Variants in OSBPL10 observed in about 807,000 individuals in gnomAD.
OSBPL10 encodes oxysterol-binding protein-related protein 10.
A neutral mutation model predicts 81.7 loss-of-function variants in OSBPL10; 49 were observed. The ratio of observed to expected loss-of-function variants is 0.60; its 90% confidence interval spans 0.48 to 0.76. The LOEUF (loss-of-function observed/expected upper bound fraction) is 0.76, where lower values mean the gene tolerates loss of function less well. OSBPL10 is among the 30% of genes least tolerant of loss of function. The pLI is 0.00. For synonymous variants in OSBPL10, 419 were observed against 383.6 expected, an observed-to-expected ratio of 1.09 and a Z score of -1.08; for missense variants, 923 against 987.8, an observed-to-expected ratio of 0.93 and a Z score of 0.88.
At chr3:31,715,665 A>G (rs1294388847) in intron 6 of OSBPL10, among the ~76,000 whole-genome samples, 1 of 152,252 alleles carries the variant, frequency 6.6e-6, no homozygotes, top group Non-Finnish European at 1.5e-5. Context: ...GGTGGCCAAT[A>G]GTAATAAAAT....
chr3:31,789,079 A>G (rs1374085303), intron 4 of OSBPL10, among the ~76,000 whole-genome samples: 1 of 152,074 alleles, frequency 6.6e-6, no homozygotes, highest in Non-Finnish European at 1.5e-5. Flanking sequence ...CCCAGGTTCA[A>G]GAGATTCTCC....
At chr3:31,986,616 G>A (rs1398837216) in intron 2 of OSBPL10, among the ~76,000 whole-genome samples, 5 of 151,972 alleles carry the variant, frequency 3.3e-5, no homozygotes, top group Non-Finnish European at 7.4e-5. Flanking sequence ...TTTTTTATAC[G>A]AAAAAATACA....
intron 8 of OSBPL10, among the ~76,000 whole-genome samples, chr3:31,675,352 A>G (rs527440309): frequency 6.6e-6 from 1 of 152,296 alleles, no homozygotes; most frequent in African/African-American, 2.4e-5. Context: ...TTTTTCATGG[A>G]GAATATGCCA....
At chr3:31,857,938 C>G (rs1393389351) in intron 3 of OSBPL10, among the ~76,000 whole-genome samples, 2 of 150,816 alleles carry the variant, frequency 1.3e-5, no homozygotes, top group Non-Finnish European at 3.0e-5. Flanking sequence ...GTGTGTGTCT[C>G]TCCCGTTTTT....
At chr3:32,017,163 T>C (rs1310822149) in intron 2 of OSBPL10, among the ~76,000 whole-genome samples, 3 of 152,218 alleles carry the variant, frequency 2.0e-5, no homozygotes, top group Non-Finnish European at 4.4e-5. Context: ...CATATTAATT[T>C]CTTATGAATG....
intron 2 of OSBPL10, chr3:32,030,451 G>T: frequency 1.5e-6 from 1 of 683,340 alleles, no homozygotes. Context: ...CAAGATTCTT[G>T]CCAAGAGAAT....
intron 3 of OSBPL10, among the ~76,000 whole-genome samples, chr3:31,854,638 A>G (rs1198638046): frequency 1.3e-5 from 2 of 152,206 alleles, no homozygotes; most frequent in Non-Finnish European, 2.9e-5. Flanking sequence ...ACTTATAGAA[A>G]GTTGAAAAGA....
intron 8 of OSBPL10, among the ~76,000 whole-genome samples, chr3:31,681,287 CT>C (rs1192277724): frequency 6.6e-6 from 1 of 152,182 alleles, no homozygotes; most frequent in Non-Finnish European, 1.5e-5. Flanking sequence ...CTGAGTACAC[CT>C]GTGGGCACTC....
intron 1 of OSBPL10, among the ~76,000 whole-genome samples, chr3:31,902,623 C>T (rs11925240): frequency 0.068 from 10,271 of 152,024 alleles, 408 homozygotes; most frequent in Non-Finnish European, 0.095. Flanking sequence ...AGTGCAGTGG[C>T]GCAATCTCGG....
At chr3:31,688,732 A>G (rs1408605787) in intron 7 of OSBPL10, among the ~76,000 whole-genome samples, 3 of 152,368 alleles carry the variant, frequency 2.0e-5, no homozygotes, top group Admixed American at 6.5e-5. Flanking sequence ...GAGCAACATG[A>G]GAATATTCAC....
chr3:31,975,047 G>C (rs1354127138), intron 1 of OSBPL10, among the ~76,000 whole-genome samples: 1 of 152,154 alleles, frequency 6.6e-6, no homozygotes, highest in Non-Finnish European at 1.5e-5. Context: ...ATTTTGGTGT[G>C]AATCTCCTCA....
chr3:31,936,882 A>T (rs1013576465), intron 1 of OSBPL10, among the ~76,000 whole-genome samples: 1 of 152,196 alleles, frequency 6.6e-6, no homozygotes, highest in Non-Finnish European at 1.5e-5. Context: ...AAGGCACTGA[A>T]TGGAACTGAA....
chr3:31,837,792 T>C (rs1412329133), intron 3 of OSBPL10, among the ~76,000 whole-genome samples: 1 of 151,694 alleles, frequency 6.6e-6, no homozygotes, highest in East Asian at 1.9e-4. Flanking sequence ...ATAAAAACTA[T>C]GATGTACAAG....
At chr3:31,668,904 A>ATT in intron 9 of OSBPL10, 80 bp from the exon 10 acceptor site, 28 of 1,097,130 alleles carry the variant, frequency 2.6e-5, no homozygotes, top group South Asian at 8.2e-5. Flanking sequence ...ATCTCTAGAG[A>ATT]TTTTTTTTTT....
At chr3:32,034,778 TTGC>T (rs1699502656) in intron 2 of OSBPL10, among the ~76,000 whole-genome samples, 1 of 152,232 alleles carries the variant, frequency 6.6e-6, no homozygotes, top group South Asian at 2.1e-4. Flanking sequence ...AAAGTCAGTA[TTGC>T]TGAATTTAGA....
At chr3:31,832,071 A>G (rs6550075) in intron 3 of OSBPL10, among the ~76,000 whole-genome samples, 68,764 of 152,074 alleles carry the variant, frequency 0.45, 15,997 homozygotes, top group Admixed American at 0.56. Context: ...GGTCTCTATG[A>G]ATTGATCTGG....
intron 1 of OSBPL10, among the ~76,000 whole-genome samples, chr3:31,915,195 C>G (rs1273921600): frequency 4.0e-5 from 6 of 150,780 alleles, no homozygotes; most frequent in Non-Finnish European, 8.8e-5. Context: ...TGAATGGTAA[C>G]AGGGGGGAAA....
At chr3:31,783,321 A>G (rs1020376846) in intron 4 of OSBPL10, among the ~76,000 whole-genome samples, 3 of 151,960 alleles carry the variant, frequency 2.0e-5, no homozygotes, top group African/African-American at 7.3e-5. Context: ...ATGCAAAGGC[A>G]TAAGAATGAT....
intron 4 of OSBPL10, among the ~76,000 whole-genome samples, chr3:31,798,848 C>G (rs1254334544): frequency 6.6e-6 from 1 of 152,102 alleles, no homozygotes; most frequent in Non-Finnish European, 1.5e-5. Context: ...AGCAGCAATC[C>G]CCAATCTTTT....
Sources: allele counts gnomAD v4.1 joint callset (sites outside exome capture counted in the v4.1 genomes callset), GRCh38; gene constraint gnomAD v4.1.1; transcripts MANE v1.5; gene names NCBI Gene and HGNC (gene_info 2026-07-23, HGNC 2026-07-21).